The following CDK5RAP3 variants were observed in gnomAD, a reference collection of about 807,000 sequenced individuals.
CDK5RAP3 encodes CDK5 regulatory subunit-associated protein 3.
Under a neutral mutation model 73.3 loss-of-function variants are expected in CDK5RAP3, and 58 were observed. The observed-to-expected ratio is 0.79, with a 90% CI of 0.64 to 0.98. The LOEUF is 0.98. CDK5RAP3 is among the 50% of genes least tolerant of loss of function. The pLI is 0.00. For missense variants in CDK5RAP3, 525 were observed against 615.8 expected, an observed-to-expected ratio of 0.85 and a Z score of 1.56; for synonymous variants, 224 against 247.5, an observed-to-expected ratio of 0.91 and a Z score of 0.89.
At chr17:47,971,232 C>G (rs2036254657) in intron 1 of CDK5RAP3, 80 bp downstream of exon 1, 1 of 1,530,934 alleles carries the variant, frequency 6.5e-7, no homozygotes. Flanking sequence ...CCGGAAGCGG[C>G]TCAACCCAGC....
intron 6 of CDK5RAP3, 66 bp downstream of exon 6, chr17:47,975,403 C>T (rs914522105): frequency 5.6e-5 from 89 of 1,603,354 alleles, no homozygotes; most frequent in East Asian, 1.6e-4. Context: ...CCTCTGACCC[C>T]GTCTGACCCC....
chr17:47,980,859 C>T (rs750388695), intron 12 of CDK5RAP3, 61 bp downstream of exon 12: 29 of 1,523,054 alleles, frequency 1.9e-5, no homozygotes, highest in Non-Finnish European at 2.5e-5. Flanking sequence ...CCTTGTATTC[C>T]TCCTCTTGTT....
intron 3 of CDK5RAP3, 109 bp downstream of exon 3, chr17:47,973,759 G>C: frequency 7.0e-7 from 1 of 1,437,972 alleles, no homozygotes; most frequent in Non-Finnish European, 9.5e-7. Flanking sequence ...TAGAGAGGGA[G>C]CGATTTTTAT....
intron 11 of CDK5RAP3, chr17:47,979,173 G>A: frequency 2.3e-6 from 1 of 432,928 alleles, no homozygotes; most frequent in East Asian, 3.9e-5. Context: ...ACCTCATGGA[G>A]CTTATATTCT....
chr17:47,973,949 G>A lies in CDK5RAP3; in HGVS notation c.203G>A (p.Cys68Tyr), dbSNP rs1185280151. 1 of 1,613,814 alleles carries A rather than the reference G, an allele frequency of 6.2e-7. No individual in the cohort carries two copies. Among genetic ancestry groups the A allele is most frequent in the African/African-American group, 1.3e-5 (1 of 75,052 alleles). Residue 68 changes from cysteine to tyrosine, a missense_variant, in exon 4 of 14, where the codon TGC (cysteine) becomes TAC (tyrosine). By Grantham distance (194) the Cys-to-Tyr change is radical (BLOSUM62 -2). Coordinates refer to ENST00000338399, the MANE Select transcript of CDK5RAP3 (RefSeq NM_176096.3). The stretch of plus-strand genomic sequence containing the variant: ...TTTCTAGACATTCACTACTTTCACT[G>A]CCTAAGAATCCTGGACCTTCTCAAA... Reference protein sequence around the residue: ...LSGSYIHYFHCLRILDLLKGT... With the variant: ...LSGSYIHYFHYLRILDLLKGT...
Position 47,974,460 on chromosome 17 carries a change from C to T in CDK5RAP3, c.334+12C>T, listed in dbSNP as rs200084812. 364 of 1,614,140 alleles carry T rather than the reference C, an allele frequency of 2.3e-4. 1 individual carries two copies. The highest frequency in any genetic ancestry group is 3.1e-4 in the East Asian group (14 of 44,890). On this transcript the variant is annotated intron_variant, in intron 5 of 13. Transcript: ENST00000338399. Reference sequence around the variant, plus strand: ...CAACACCTACTTAGGTAAAGTGGCCCGGCCTGGGAGCCCTGGTATCCATGG... The same window carrying T: ...CAACACCTACTTAGGTAAAGTGGCCTGGCCTGGGAGCCCTGGTATCCATGG...
chr17:47,977,570 C>T (rs1454214275), intron 9 of CDK5RAP3, among the ~76,000 whole-genome samples: 1 of 152,200 alleles, frequency 6.6e-6, no homozygotes, highest in Non-Finnish European at 1.5e-5. Context: ...TGAGCCACTG[C>T]GCCCAGCCCA....
At chr17:47,969,045 T>G (rs538332927), upstream of CDK5RAP3, among the ~76,000 whole-genome samples, 25 of 152,212 alleles carry the variant, frequency 1.6e-4, no homozygotes, top group Non-Finnish European at 3.1e-4. Context: ...TGTGTTTATT[T>G]AAGCCTCTAA....
At chr17:47,979,283 C>T (rs924969381) in intron 11 of CDK5RAP3, 8 of 188,808 alleles carry the variant, frequency 4.2e-5, no homozygotes, top group African/African-American at 1.7e-4. Flanking sequence ...GGGAGGATGA[C>T]GAGGATGTTG....
Position 47,981,533 on chromosome 17 carries a change from T to C in CDK5RAP3, c.*31T>C, listed in dbSNP as rs1448638696. On this transcript the variant is annotated 3_prime_UTR_variant, in exon 14 of 14. Transcript: ENST00000338399. ...TCCGTGTTCTTGCCTGCCCATCTTC[T>C]CCGCTTTTGGGATGAAGATGATAGC... is the stretch of plus-strand genomic sequence containing the variant. 1.2e-6 allele frequency: 2 copies of C among 1,614,098 alleles called. No individual in the cohort carries two copies. Among genetic ancestry groups the C allele is most frequent in the African/African-American group, 2.7e-5 (2 of 74,942 alleles).
Position 47,975,506 on chromosome 17 carries a change from C to G in CDK5RAP3, c.514-8C>G. 6.2e-7 allele frequency: 1 copy of G among 1,610,614 alleles called. No homozygotes were observed. The highest frequency in any genetic ancestry group is 8.5e-7 in the Non-Finnish European group (1 of 1,180,014). On this transcript the variant is annotated splice_region_variant and splice_polypyrimidine_tract_variant and intron_variant, in intron 6 of 13. Coordinates refer to ENST00000338399, the MANE Select transcript of CDK5RAP3 (RefSeq NM_176096.3). ...TCTGTTGGACTCCACCTCTTCTCCC[C>G]TCTCTAGGGCGAAAATGTCCGAGGA...
In CDK5RAP3 at chr17:47,973,611, C is replaced by A. The variant is rs760758666; in HGVS notation, c.145C>A (p.Pro49Thr). The change falls in exon 3 of 14, where the codon CCA (proline) becomes ACA (threonine). Residue 49 changes from proline (P) to threonine (T), a missense_variant. This residue lies in a region of CDK5RAP3 where 409 missense variants were observed against 429.8 expected (regional missense o/e 0.95). Coordinates refer to ENST00000338399, the MANE Select transcript of CDK5RAP3 (RefSeq NM_176096.3). ...GATCAATGCTGCCATCCAGGACATGCCAGAGAGCGAAGAGATCGCCCAGCT... is the reference window on the plus strand; with the variant it reads ...GATCAATGCTGCCATCCAGGACATGACAGAGAGCGAAGAGATCGCCCAGCT... Reference protein sequence around the residue: ...EKINAAIQDMPESEEIAQLLS... With the variant: ...EKINAAIQDMTESEEIAQLLS... The A allele has an allele frequency of 2.5e-6, 4 of 1,614,110 alleles. No homozygotes were observed. Among genetic ancestry groups the A allele is most frequent in the Non-Finnish European group, 3.4e-6 (4 of 1,180,020 alleles).
intron 10 of CDK5RAP3, 104 bp from the exon 11 acceptor site, chr17:47,978,725 C>A (rs1182485581): frequency 1.2e-6 from 1 of 853,900 alleles, no homozygotes. Context: ...GGCTTTAGCA[C>A]AGTGAGTCTG....
intron 2 of CDK5RAP3, among the ~76,000 whole-genome samples, chr17:47,972,670 G>T (rs201188365): frequency 6.6e-6 from 1 of 150,408 alleles, no homozygotes; most frequent in Non-Finnish European, 1.5e-5. Context: ...TTCATTGAGG[G>T]TTTTTTTTTG....
intron 12 of CDK5RAP3, 48 bp downstream of exon 12, chr17:47,980,846 C>T: frequency 1.3e-6 from 2 of 1,564,006 alleles, no homozygotes; most frequent in Non-Finnish European, 1.8e-6. Flanking sequence ...AGCAGCTCTG[C>T]CTCCTTGTAT....
Position 47,980,961 on chromosome 17 carries a change from A to G in CDK5RAP3, c.1283+163A>G, listed in dbSNP as rs898077870. ...TTGGGACAAGAGGGGGAGGTTTCAC[A>G]TATACAGGAAGAATCTGCTTGCTTC... On this transcript the variant is annotated intron_variant, in intron 12 of 13. Transcript: ENST00000338399. The G allele has an allele frequency of 4.2e-5, 36 of 865,124 alleles. No homozygotes were observed. The African/African-American group carries it at 5.9e-4, about 14-fold the overall frequency. The allele number at this position is 865,124 out of a possible 1,614,324, so 53.6% of individuals were successfully genotyped here.
At chr17:47,971,035 G>T (rs2036245916), upstream of CDK5RAP3, 1 of 1,531,698 alleles carries the variant, frequency 6.5e-7, no homozygotes, top group Non-Finnish European at 8.8e-7. Flanking sequence ...GCGGCGACGT[G>T]GCCGAAGGAT....
chr17:47,975,079 A>T (rs1025264587), intron 5 of CDK5RAP3, 80 bp from the exon 6 acceptor site: 1 of 1,612,832 alleles, frequency 6.2e-7, no homozygotes, highest in African/African-American at 1.3e-5. Context: ...CTTCACCACC[A>T]CAAAGGATGT....
intron 4 of CDK5RAP3, 32 bp downstream of exon 4, chr17:47,974,063 G>T (rs759020913): frequency 1.4e-5 from 21 of 1,468,614 alleles, no homozygotes; most frequent in Non-Finnish European, 2.0e-5. Flanking sequence ...GTAGTATGTG[G>T]TTGGGGACAT....
Sources: gnomAD v4.1 joint callset for allele counts (sites outside exome capture counted in the v4.1 genomes callset) on GRCh38, gnomAD v4.1.1 for gene constraint, gnomAD v4.1.1 regional missense constraint, MANE v1.5 for transcripts, NCBI Gene and HGNC (gene_info 2026-07-23, HGNC 2026-07-21) for gene names.